MYRIP: variants seen among roughly 807,000 people sequenced by gnomAD.
The protein encoded by MYRIP is myosin VIIA and Rab interacting protein.
MYRIP carries 49 observed loss-of-function variants against 98.0 expected under a neutral mutation model. The ratio of observed to expected loss-of-function variants is 0.50; its 90% CI spans 0.40 to 0.63. The LOEUF is 0.63. Ranked by LOEUF, MYRIP falls within the 30% of genes least tolerant of loss-of-function variation. MYRIP has a pLI of 0.00. For synonymous variants in MYRIP, 404 were observed against 409.5 expected, an observed-to-expected ratio of 0.99 and a Z score of 0.16; for missense variants, 1,004 against 1,058.2, an observed-to-expected ratio of 0.95 and a Z score of 0.71.
intron 1 of MYRIP, among the ~76,000 whole-genome samples, chr3:39,811,335 A>G (rs1940682104): frequency 6.6e-6 from 1 of 152,190 alleles, no homozygotes; most frequent in African/African-American, 2.4e-5. Flanking sequence ...TGGAGTTCAT[A>G]GGATATGATA....
At chr3:40,094,585 C>T (rs1272785548) in intron 3 of MYRIP, among the ~76,000 whole-genome samples, 1 of 152,168 alleles carries the variant, frequency 6.6e-6, no homozygotes, top group Non-Finnish European at 1.5e-5. Flanking sequence ...GTTTAGTCAC[C>T]TCCTTCTCTG....
intron 3 of MYRIP, among the ~76,000 whole-genome samples, chr3:40,134,365 T>A (rs1319621449): frequency 6.6e-6 from 1 of 152,216 alleles, no homozygotes; most frequent in East Asian, 1.9e-4. Context: ...CAGGCTTGAG[T>A]AGGTAAACAA....
At chr3:40,074,964 T>C (rs1249439349) in intron 3 of MYRIP, among the ~76,000 whole-genome samples, 1 of 152,056 alleles carries the variant, frequency 6.6e-6, no homozygotes, top group East Asian at 1.9e-4. Context: ...ATTATAAAAG[T>C]TAATACAAAA....
intron 13 of MYRIP, among the ~76,000 whole-genome samples, chr3:40,247,157 G>C (rs1953232237): frequency 1.3e-5 from 2 of 151,920 alleles, no homozygotes; most frequent in Admixed American, 1.3e-4. Context: ...CCCTTTATTG[G>C]ATAGTTATTC....
At chr3:40,250,410 GTA>G (rs1257817484) in intron 14 of MYRIP, 27 bp from the exon 15 acceptor site, 2 of 1,613,438 alleles carry the variant, frequency 1.2e-6, no homozygotes, top group Non-Finnish European at 1.7e-6. Flanking sequence ...CTCTGCAAAG[GTA>G]TATTGCTCAT....
chr3:40,240,659 G>T (rs575705204), intron 12 of MYRIP, among the ~76,000 whole-genome samples: 1 of 152,346 alleles, frequency 6.6e-6, no homozygotes, highest in East Asian at 1.9e-4. Flanking sequence ...CCTGCTATCT[G>T]GCATTAGTGC....
chr3:40,139,201 T>C (rs374606603), intron 3 of MYRIP, among the ~76,000 whole-genome samples: 33 of 152,320 alleles, frequency 2.2e-4, no homozygotes, highest in African/African-American at 7.9e-4. Flanking sequence ...ATATACCATA[T>C]TTTTTTGTAT....
chr3:39,875,912 T>G (rs1354884623), intron 1 of MYRIP, among the ~76,000 whole-genome samples: 2 of 151,248 alleles, frequency 1.3e-5, no homozygotes, highest in Non-Finnish European at 2.9e-5. Context: ...CTTTCTGTCT[T>G]GTTGATCTGT....
intron 13 of MYRIP, 86 bp downstream of exon 13, chr3:40,244,693 G>C (rs1478738417): frequency 7.2e-7 from 1 of 1,388,264 alleles, no homozygotes; most frequent in Non-Finnish European, 9.6e-7. Context: ...TAAAGCCATT[G>C]TATCTATCAG....
intron 3 of MYRIP, among the ~76,000 whole-genome samples, chr3:40,086,978 T>C (rs571016696): frequency 2.0e-5 from 3 of 152,126 alleles, no homozygotes; most frequent in East Asian, 3.9e-4. Context: ...ACCAGGACAA[T>C]GCTGGGGGTG....
chr3:40,112,619 G>A (rs1949182480), intron 3 of MYRIP, among the ~76,000 whole-genome samples: 1 of 152,222 alleles, frequency 6.6e-6, no homozygotes, highest in Non-Finnish European at 1.5e-5. Flanking sequence ...CTGTGGCAGT[G>A]TGGAAACTCA....
chr3:39,841,953 G>A (rs901848359), intron 1 of MYRIP, among the ~76,000 whole-genome samples: 2 of 152,192 alleles, frequency 1.3e-5, no homozygotes, highest in Non-Finnish European at 2.9e-5. Context: ...CACTTGAGGA[G>A]GCAGTCTGTC....
Position 39,914,470 on chromosome 3 carries a change from C to CA in MYRIP, c.110+13550dup, listed in dbSNP as rs555647581. Among the ~76,000 whole-genome samples the CA allele has an allele frequency of 3.2e-4, 48 of 151,962 alleles. No individual in the cohort carries two copies. In the East Asian group the frequency reaches 7.9e-3, roughly 25 times the overall value. On this transcript the variant is annotated intron_variant, in intron 2 of 16. Transcript: ENST00000302541. Reference sequence around the variant, plus strand: ...CCAGTTCATTCCAAATCAGATACTCCAAAAAACAGACAAAACACTAGCCAA... The same window carrying CA: ...CCAGTTCATTCCAAATCAGATACTCCAAAAAAACAGACAAAACACTAGCCAA...
chr3:40,021,306 T>TA (rs1390895481), intron 2 of MYRIP, among the ~76,000 whole-genome samples: 1 of 152,218 alleles, frequency 6.6e-6, no homozygotes, highest in Non-Finnish European at 1.5e-5. Flanking sequence ...GTAGCTGGCT[T>TA]AGCAGCTAGA....
At chr3:40,219,082 T>C (rs1952242884) in intron 11 of MYRIP, among the ~76,000 whole-genome samples, 1 of 152,184 alleles carries the variant, frequency 6.6e-6, no homozygotes, top group Non-Finnish European at 1.5e-5. Context: ...TAAGGAATAT[T>C]AGATTAACAA....
intron 1 of MYRIP, among the ~76,000 whole-genome samples, chr3:39,877,510 A>G (rs1462437224): frequency 6.6e-6 from 1 of 151,970 alleles, no homozygotes; most frequent in East Asian, 1.9e-4. Flanking sequence ...TGATGTGCAG[A>G]TGGGTTTTTG....
At chr3:40,247,125 G>A (rs1283977338) in intron 13 of MYRIP, among the ~76,000 whole-genome samples, 1 of 152,086 alleles carries the variant, frequency 6.6e-6, no homozygotes, top group Non-Finnish European at 1.5e-5. Context: ...TGTTTGGGAG[G>A]ATTTTATTGG....
intron 11 of MYRIP, among the ~76,000 whole-genome samples, chr3:40,222,677 T>C (rs1185385243): frequency 6.7e-6 from 1 of 149,526 alleles, no homozygotes; most frequent in Non-Finnish European, 1.5e-5. Flanking sequence ...AGCTACTGCA[T>C]CAAATGCAAA....
At chr3:40,161,461 G>A (rs923960932) in intron 4 of MYRIP, among the ~76,000 whole-genome samples, 3 of 152,070 alleles carry the variant, frequency 2.0e-5, no homozygotes, top group Non-Finnish European at 2.9e-5. Context: ...TGGCCTACAG[G>A]GCATGCCAGG....
Sources: allele counts gnomAD v4.1 joint callset (sites outside exome capture counted in the v4.1 genomes callset), GRCh38; gene constraint gnomAD v4.1.1; transcripts MANE v1.5; gene names NCBI Gene and HGNC (gene_info 2026-07-23, HGNC 2026-07-21).